Variants in PI4KB observed in about 807,000 individuals in gnomAD.
PI4KB encodes the protein PtdIns 4-kinase beta.
In PI4KB, 23 loss-of-function variants were observed where a neutral mutation model predicts 81.4. The ratio of observed to expected loss-of-function variants is 0.28; its 90% CI spans 0.20 to 0.40. The LOEUF (loss-of-function observed/expected upper bound fraction) is 0.40. Ranked by LOEUF, PI4KB falls within the 10% of genes least tolerant of loss-of-function variation. PI4KB has a pLI of 1.00. For missense variants in PI4KB, 651 were observed against 1,036.6 expected (o/e 0.63, Z 5.11); for synonymous variants, 381 against 406.8 (o/e 0.94, Z 0.76).
At chr1:151,326,563 G>A (rs528820195) in intron 1 of PI4KB, among the ~76,000 whole-genome samples, 3 of 152,342 alleles carry the variant, frequency 2.0e-5, no homozygotes, top group South Asian at 2.1e-4. Context: ...TAGAAAGTTG[G>A]GGGATTGAGG....
Position 151,301,906 on chromosome 1 carries a change from C to A in PI4KB, c.1687G>T (p.Val563Phe). ...TGCCGAAGGTCATCCCCACACTTGA[C>A]AATGACTGACAGGAGCCGCCAATTG... The part of the protein sequence containing the change: ...LPNWRLLSVI[V>F]KCGDDLRQEL... Residue 563 changes from valine (V) to phenylalanine (F), a missense_variant, in exon 8 of 12, where the codon GTC becomes TTC. By Grantham distance (50) the Val-to-Phe change is conservative. Transcript: ENST00000368873. 6.2e-7 allele frequency: 1 copy of A among 1,614,122 alleles called. No homozygotes were observed. Among genetic ancestry groups the A allele is most frequent in the Middle Eastern group, 1.7e-4 (1 of 5,992 alleles).
chr1:151,306,934 G>A (rs770985963), intron 4 of PI4KB, among the ~76,000 whole-genome samples: 5 of 152,324 alleles, frequency 3.3e-5, no homozygotes, highest in Non-Finnish European at 7.3e-5. Flanking sequence ...AATTAGCCGG[G>A]TGTGGTGGCA....
chr1:151,319,280 C>A (rs1194006243), intron 1 of PI4KB, among the ~76,000 whole-genome samples: 2 of 149,520 alleles, frequency 1.3e-5, no homozygotes, highest in Non-Finnish European at 3.0e-5. Context: ...TCAAGACCAG[C>A]GAGACTCTGT....
Position 151,314,252 on chromosome 1 carries a change from G to A in PI4KB, c.909+1321C>T, listed in dbSNP as rs587677298. ...GCAGATGCCAAGACCATAGCTATCC[G>A]CATTTTTCAAAAAGTGCAAATTCCT... is the stretch of plus-strand genomic sequence containing the variant. On this transcript the variant is annotated intron_variant, in intron 2 of 11. Transcript: ENST00000368873. Among the ~76,000 whole-genome samples the A allele has an allele frequency of 1.2e-4, 19 of 152,264 alleles. No individual in the cohort carries two copies. The East Asian group carries it at 3.1e-3, about 25-fold the overall frequency.
rs1045477409 is a variant in PI4KB, at chr1:151,294,637, A to AG, written c.2016-97dup. On this transcript the variant is annotated intron_variant, in intron 9 of 11. Transcript: ENST00000368873. ...ATACACTGGCCACATGACACCAGGG[A>AG]GGGGGGTCCCCTGCCATGTTTCCTG... 1.9e-4 allele frequency: 231 copies of AG among 1,196,130 alleles called. 2 individuals are homozygous for AG. In the East Asian group the frequency reaches 5.1e-3, roughly 27 times the overall value. The allele number at this position is 1,196,130 out of a possible 1,614,324, so 74.1% of individuals were successfully genotyped here.
chr1:151,302,396 GACAC>G lies in PI4KB; in HGVS notation c.1521-102_1521-99del, dbSNP rs1382373882. 3 of 829,252 alleles carry G rather than the reference GACAC, an allele frequency of 3.6e-6. No individual in the cohort carries two copies. In the African/African-American group the frequency reaches 5.1e-5, roughly 14 times the overall value. The allele number at this position is 829,252 out of a possible 1,614,324, so 51.4% of individuals were successfully genotyped here. On this transcript the variant is annotated intron_variant, in intron 6 of 11. Transcript: ENST00000368873. ...TTCCTGCACTGTCTCCTGGATTCTG[GACAC>G]ACAAAGATAGGAACCCAGGCTGAAA...
At chr1:151,320,073 G>A (rs745471119) in intron 1 of PI4KB, among the ~76,000 whole-genome samples, 3 of 152,030 alleles carry the variant, frequency 2.0e-5, no homozygotes, top group Non-Finnish European at 2.9e-5. Flanking sequence ...TCGCTCTGTC[G>A]CCCAGGCTGG....
chr1:151,320,096 C>G (rs1420022924), intron 1 of PI4KB, among the ~76,000 whole-genome samples: 1 of 152,114 alleles, frequency 6.6e-6, no homozygotes, highest in Admixed American at 6.6e-5. Context: ...TGCAGTGGTG[C>G]AATCTTGGCT....
At chr1:151,306,973 G>C (rs587597552) in intron 4 of PI4KB, among the ~76,000 whole-genome samples, 3 of 152,286 alleles carry the variant, frequency 2.0e-5, no homozygotes, top group East Asian at 3.9e-4. Context: ...TACTCAGGAG[G>C]CTAAGGCAGG....
At chr1:151,293,265 G>C (rs1469383125) in intron 11 of PI4KB, 20 of 1,411,638 alleles carry the variant, frequency 1.4e-5, no homozygotes, top group Non-Finnish European at 1.7e-5. Context: ...GGAAGGAAGG[G>C]GACCAACACC....
chr1:151,313,466 A>T (rs1351410492), intron 2 of PI4KB, among the ~76,000 whole-genome samples: 1 of 152,234 alleles, frequency 6.6e-6, no homozygotes, highest in Non-Finnish European at 1.5e-5. Context: ...CTGAGGCCTC[A>T]GCTTTTCTGG....
intron 9 of PI4KB, chr1:151,298,558 T>G: frequency 3.8e-6 from 2 of 522,920 alleles, no homozygotes; most frequent in Non-Finnish European, 6.8e-6. Context: ...TCCCTTGTCC[T>G]TGAAGACCCT....
At chr1:151,299,150 T>C (rs1571145512) in intron 8 of PI4KB, 77 bp from the exon 9 acceptor site, 1 of 1,289,058 alleles carries the variant, frequency 7.8e-7, no homozygotes. Flanking sequence ...CTTCCCTTTC[T>C]CCAGCCTCTC....
chr1:151,310,653 C>T (rs1286407674), intron 2 of PI4KB, among the ~76,000 whole-genome samples: 9 of 152,182 alleles, frequency 5.9e-5, no homozygotes, highest in Non-Finnish European at 1.3e-4. Flanking sequence ...CCAAATCCTT[C>T]TCCATGGGGA....
At chr1:151,324,196 A>T (rs1023974690) in intron 1 of PI4KB, among the ~76,000 whole-genome samples, 2 of 152,082 alleles carry the variant, frequency 1.3e-5, no homozygotes, top group Admixed American at 1.3e-4. Context: ...CTTGACCTCA[A>T]GTGATCCGCC....
chr1:151,302,415 C>A, intron 6 of PI4KB, 117 bp from the exon 7 acceptor site: 1 of 713,676 alleles, frequency 1.4e-6, no homozygotes. Flanking sequence ...AGATAGGAAC[C>A]CAGGCTGAAA....
intron 1 of PI4KB, among the ~76,000 whole-genome samples, chr1:151,318,447 T>G (rs1001117187): frequency 1.4e-5 from 2 of 142,610 alleles, no homozygotes; most frequent in African/African-American, 5.2e-5. Flanking sequence ...GCGCGGTGGC[T>G]CACGCCTGTA....
At chr1:151,296,401 G>A (rs1192660252) in intron 9 of PI4KB, among the ~76,000 whole-genome samples, 1 of 152,130 alleles carries the variant, frequency 6.6e-6, no homozygotes, top group East Asian at 1.9e-4. Flanking sequence ...GGAAACACGT[G>A]TCTGACAGGG....
At chr1:151,304,383 G>T in intron 5 of PI4KB, among the ~76,000 whole-genome samples, 1 of 135,764 alleles carries the variant, frequency 7.4e-6, no homozygotes, top group Admixed American at 8.2e-5. Flanking sequence ...CGCTCTTGTT[G>T]CCCACGCTGG....
Sources: gnomAD v4.1 joint callset for allele counts (sites outside exome capture counted in the v4.1 genomes callset) on GRCh38, gnomAD v4.1.1 for gene constraint, MANE v1.5 for transcripts, NCBI Gene and HGNC (gene_info 2026-07-23, HGNC 2026-07-21) for gene names.